PRAMEF12: variants seen among roughly 807,000 people sequenced by gnomAD.
PRAMEF12 encodes the protein PRAME family member 12.
PRAMEF12 carries 24 observed loss-of-function variants against 24.6 expected under a neutral mutation model. The ratio of observed to expected loss-of-function variants is 0.98; its 90% CI spans 0.71 to 1.37. The LOEUF (loss-of-function observed/expected upper bound fraction) is 1.37, where lower values mean the gene tolerates loss of function less well. PRAMEF12 is among the 40% of genes most tolerant of loss of function. The probability of loss-of-function intolerance (pLI) is 0.00; values close to 1 mark genes in which losing one functional copy is unlikely to be tolerated. For synonymous variants in PRAMEF12, 286 were observed against 242.6 expected, an observed-to-expected ratio of 1.18 and a Z score of -1.66; for missense variants, 646 against 580.3, an observed-to-expected ratio of 1.11 and a Z score of -1.16.
At position 12,775,684 on chromosome 1, in the gene PRAMEF12, G is replaced by A. The variant is rs765500588; in HGVS notation, c.429G>A (p.Gln143=). 8 of 1,613,888 alleles carry A rather than the reference G, an allele frequency of 5.0e-6. No individual in the cohort carries two copies. In the African/African-American group the frequency reaches 1.1e-4, roughly 22 times the overall value. The change falls in exon 2 of 3, where the codon CAG becomes CAA. Residue 143 remains glutamine, a synonymous_variant. Transcript: ENST00000357726. ...AGNCPRPGGQ[Q]PLMVILDLCF... ...ACTGTCCAAGGCCGGGTGGGCAGCAGCCCTTGATGGTGATCCTAGACCTTT... is the reference window on the plus strand; with the variant it reads ...ACTGTCCAAGGCCGGGTGGGCAGCAACCCTTGATGGTGATCCTAGACCTTT...
intron 1 of PRAMEF12, 25 bp from the exon 2 acceptor site, chr1:12,775,518 A>G: frequency 1.3e-6 from 2 of 1,573,644 alleles, no homozygotes; most frequent in East Asian, 2.3e-5. Context: ...CTAAATTTGG[A>G]GCCTCTCTTC....
At position 12,775,798 on chromosome 1, in the gene PRAMEF12, G is replaced by A. The variant is rs921598101; in HGVS notation, c.543G>A (p.Lys181=). The change falls in exon 2 of 3, where the codon AAG becomes AAA. Residue 181 remains lysine (K), a synonymous_variant. Coordinates refer to ENST00000357726, the MANE Select transcript of PRAMEF12 (RefSeq NM_001080830.5). ...AAGGCTTACTGCACGTGTGTTGCAA[G>A]GAGCTGCAGATTTTTGGAATAGCCA... ...QRKGLLHVCC[K]ELQIFGIAIH... is the part of the protein sequence containing the mutation. 2 of 1,613,810 alleles carry A rather than the reference G, an allele frequency of 1.2e-6. No individual in the cohort carries two copies. Among genetic ancestry groups the A allele is most frequent in the African/African-American group, 1.3e-5 (1 of 74,826 alleles).
chr1:12,776,897 C>T (rs1302282675), intron 2 of PRAMEF12, 114 bp from the exon 3 acceptor site: 1 of 1,103,318 alleles, frequency 9.1e-7, no homozygotes, highest in African/African-American at 1.6e-5. Flanking sequence ...TCCCACACCC[C>T]AGGTGCTGAT....
At position 12,774,660 on chromosome 1, in the gene PRAMEF12, ACCTTGC is replaced by A. The variant is rs1282161236; in HGVS notation, c.-204_-199del. ...GTTGAAAATGAATGGGCCAGTGGTT[ACCTTGC>A]CCTCTCCTCATTGTTTGGAAGACAT... On this transcript the variant is annotated 5_prime_UTR_variant, in exon 1 of 3. Transcript: ENST00000357726. Among the ~76,000 whole-genome samples the A allele has an allele frequency of 2.6e-5, 4 of 152,178 alleles. No homozygotes were observed. Among genetic ancestry groups the A allele is most frequent in the African/African-American group, 9.7e-5 (4 of 41,420 alleles).
Position 12,777,036 on chromosome 1 carries a change from G to A in PRAMEF12, c.889G>A (p.Val297Ile). Residue 297 changes from valine (V) to isoleucine (I), a missense_variant, in exon 3 of 3, where the codon GTC (valine) becomes ATC (isoleucine). Transcript: ENST00000357726. ...GTGTCTCCAGGCCCCCTTGGAGACA[G>A]TCGTAATGACCGAATGCCTGCTGTC... Reference protein sequence around the residue: ...LRCLQAPLETVVMTECLLSES... With the variant: ...LRCLQAPLETIVMTECLLSES... 6.2e-7 allele frequency: 1 copy of A among 1,613,402 alleles called. No homozygotes were observed. Among genetic ancestry groups the A allele is most frequent in the Non-Finnish European group, 8.5e-7 (1 of 1,179,638 alleles).
rs149061753 is a variant in PRAMEF12 at position 12,775,656 on chromosome 1, G to C, written c.401G>C (p.Gly134Ala). Residue 134 changes from glycine (G) to alanine (A), a missense_variant, in exon 2 of 3, where the codon GGG becomes GCG. Gly to Ala is a moderately conservative substitution (Grantham distance 60, BLOSUM62 0). Transcript: ENST00000357726. Reference sequence around the variant, plus strand: ...GCCCTGAGTAAGAGACGAACAGCAGGGAACTGTCCAAGGCCGGGTGGGCAG... The same window carrying C: ...GCCCTGAGTAAGAGACGAACAGCAGCGAACTGTCCAAGGCCGGGTGGGCAG... ...PEALSKRRTAGNCPRPGGQQP... is the reference protein window; with the variant it reads ...PEALSKRRTAANCPRPGGQQP... 25 of 1,613,968 alleles carry C rather than the reference G, an allele frequency of 1.5e-5. No homozygotes were observed. Among genetic ancestry groups the C allele is most frequent in the Middle Eastern group, 3.3e-4 (2 of 6,062 alleles).
rs1220797740 is a variant in PRAMEF12 at position 12,775,174 on chromosome 1, C to T, written c.287+20C>T. The stretch of plus-strand genomic sequence containing the variant: ...CCCCAGGTGAGGTGACCCAGCTAAC[C>T]AGGTGGGGAGGGCTCAGGCATCCAG... On this transcript the variant is annotated intron_variant, in intron 1 of 2. Transcript: ENST00000357726. 7.5e-6 allele frequency: 12 copies of T among 1,595,740 alleles called. No homozygotes were observed. The highest frequency in any genetic ancestry group is 9.4e-6 in the Non-Finnish European group (11 of 1,170,806).
rs763318115 is a variant in PRAMEF12, at chr1:12,775,204, G to A, written c.287+50G>A. On this transcript the variant is annotated intron_variant, in intron 1 of 2. Transcript: ENST00000357726. ...GGGGAGGGCTCAGGCATCCAGGGTA[G>A]GGTTAGCTGGGTCAGAAGGAGTGGG... 3.9e-6 allele frequency: 6 copies of A among 1,551,616 alleles called. No individual in the cohort carries two copies. In the South Asian group the frequency reaches 6.2e-5, roughly 16 times the overall value.
Position 12,774,910 on chromosome 1 carries a change from CAG to C in PRAMEF12, c.46_47del (p.Leu17AlafsTer57), listed in dbSNP as rs897082278. 10 of 1,613,472 alleles carry C rather than the reference CAG, an allele frequency of 6.2e-6. No homozygotes were observed. Among genetic ancestry groups the C allele is most frequent in the Admixed American group, 1.7e-5 (1 of 59,972 alleles). ...ACCTAGACTCCTGGAGCTGGCTGAG[CAG>C]AGTCTGCTGAGAGACCGGGCCTTGG... ...APPRLLELAE[Q>X]SLLRDRALAI... On this transcript the variant is annotated frameshift_variant, in exon 1 of 3. Coordinates refer to ENST00000357726, the MANE Select transcript of PRAMEF12 (RefSeq NM_001080830.5). LOFTEE classifies it high-confidence loss of function.
At chr1:12,776,896 C>A in intron 2 of PRAMEF12, 115 bp from the exon 3 acceptor site, 1 of 1,102,928 alleles carries the variant, frequency 9.1e-7, no homozygotes, top group Non-Finnish European at 1.3e-6. Flanking sequence ...TTCCCACACC[C>A]CAGGTGCTGA....
rs2100275011 is a variant in PRAMEF12 at position 12,776,654 on chromosome 1, G to A, written c.864-357G>A. Among the ~76,000 whole-genome samples the A allele has an allele frequency of 2.0e-5, 3 of 152,238 alleles. No homozygotes were observed. The South Asian group carries it at 6.2e-4, about 32-fold the overall frequency. On this transcript the variant is annotated intron_variant, in intron 2 of 2. Transcript: ENST00000357726. Reference sequence around the variant, plus strand: ...TGATAGATGGTTTGCTGATGATACGGGCATGTCAGGGTCTCCTGCAGCCTG... The same window carrying A: ...TGATAGATGGTTTGCTGATGATACGAGCATGTCAGGGTCTCCTGCAGCCTG...
In PRAMEF12 at chr1:12,774,888, T is replaced by G. The variant is rs1639024145; in HGVS notation, c.21T>G (p.Pro7=). Reference sequence around the variant, plus strand: ...TCAGGATGAGCCTCCAGGCCCCACCTAGACTCCTGGAGCTGGCTGAGCAGA... The same window carrying G: ...TCAGGATGAGCCTCCAGGCCCCACCGAGACTCCTGGAGCTGGCTGAGCAGA... MSLQAP[P]RLLELAEQSL... The change falls in exon 1 of 3, where the codon CCT becomes CCG. Residue 7 remains proline (P), a synonymous_variant. Coordinates refer to ENST00000357726, the MANE Select transcript of PRAMEF12 (RefSeq NM_001080830.5). The G allele has an allele frequency of 6.2e-7, 1 of 1,609,494 alleles. No homozygotes were observed. Among genetic ancestry groups the G allele is most frequent in the Admixed American group, 1.7e-5 (1 of 59,494 alleles).
At position 12,776,130 on chromosome 1, in the gene PRAMEF12, T is replaced by C. The variant is rs369412846; in HGVS notation, c.863+12T>C. 9.3e-6 allele frequency: 15 copies of C among 1,610,656 alleles called. No homozygotes were observed. The highest frequency in any genetic ancestry group is 1.3e-5 in the African/African-American group (1 of 74,836). The stretch of plus-strand genomic sequence containing the variant: ...GACCAGCTGCTCAGGTGAGGAAGTA[T>C]GGTGAGCTTTCTCTGCAGACCGCAG... On this transcript the variant is annotated intron_variant, in intron 2 of 2. Coordinates refer to ENST00000357726, the MANE Select transcript of PRAMEF12 (RefSeq NM_001080830.5).
rs75099356 is a variant in PRAMEF12 at position 12,775,014 on chromosome 1, C to G, written c.147C>G (p.Cys49Trp). 6.2e-7 allele frequency: 1 copy of G among 1,614,104 alleles called. No homozygotes were observed. The change falls in exon 1 of 3, where the codon TGC becomes TGG. Residue 49 changes from cysteine (C) to tryptophan (W), a missense_variant. Cys to Trp is a radical substitution (Grantham distance 215, BLOSUM62 -2). Coordinates refer to ENST00000357726, the MANE Select transcript of PRAMEF12 (RefSeq NM_001080830.5). ...LFMEAFTRRC[C>W]ETLTTMVQAW... The stretch of plus-strand genomic sequence containing the variant: ...TGGAGGCCTTTACCAGGAGATGCTG[C>G]GAGACCCTGACAACTATGGTGCAGG...
Position 12,773,741 on chromosome 1 carries a change from C to CCAAGG in PRAMEF12, c.-1125_-1121dup, listed in dbSNP as rs1378162166. On this transcript the variant is annotated 5_prime_UTR_variant, in exon 1 of 3. Coordinates refer to ENST00000357726, the MANE Select transcript of PRAMEF12 (RefSeq NM_001080830.5). ...CTCCCGAAGGTGCACAGGAGAGAAT[C>CCAAGG]CAAGGCGCTGACACCTGGAGCTACT... 1.3e-5 allele frequency among the ~76,000 whole-genome samples: 2 copies of CCAAGG among 152,266 alleles called. No homozygotes were observed. The highest frequency in any genetic ancestry group is 3.9e-4 in the East Asian group (2 of 5,178).
Position 12,776,073 on chromosome 1 carries a change from T to G in PRAMEF12, c.818T>G (p.Met273Arg), listed in dbSNP as rs1352311160. 1 of 1,614,184 alleles carries G rather than the reference T, an allele frequency of 6.2e-7. No individual in the cohort carries two copies. Among genetic ancestry groups the G allele is most frequent in the Non-Finnish European group, 8.5e-7 (1 of 1,180,026 alleles). The change falls in exon 2 of 3, where the codon ATG becomes AGG. Residue 273 changes from methionine (M) to arginine (R), a missense_variant. Coordinates refer to ENST00000357726, the MANE Select transcript of PRAMEF12 (RefSeq NM_001080830.5). ...CTGGACTACTTCCAGAAGCTTTACATGCACTCTGTCTCTTTCCTCGAAGGC... is the reference window on the plus strand; with the variant it reads ...CTGGACTACTTCCAGAAGCTTTACAGGCACTCTGTCTCTTTCCTCGAAGGC... Reference protein sequence around the residue: ...LKLDYFQKLYMHSVSFLEGHL... With the variant: ...LKLDYFQKLYRHSVSFLEGHL...
rs1569698021 is a variant in PRAMEF12, at chr1:12,774,778, C to A, written c.-90C>A. 1.5e-6 allele frequency: 2 copies of A among 1,325,332 alleles called. No homozygotes were observed. Among genetic ancestry groups the A allele is most frequent in the South Asian group, 1.4e-5 (1 of 70,584 alleles). 82.1% of individuals were successfully genotyped at this position (1,325,332 alleles called of 1,614,324 possible). ...TGGGGTGAACTAATTACCTTTCCACCTCTACCAGAGCAATGACATTGGCAC... is the reference window on the plus strand; with the variant it reads ...TGGGGTGAACTAATTACCTTTCCACATCTACCAGAGCAATGACATTGGCAC... On this transcript the variant is annotated 5_prime_UTR_variant, in exon 1 of 3. Coordinates refer to ENST00000357726, the MANE Select transcript of PRAMEF12 (RefSeq NM_001080830.5).
In PRAMEF12 at chr1:12,777,096, A is replaced by G. The variant is rs111425241; in HGVS notation, c.949A>G (p.Ser317Gly). The stretch of plus-strand genomic sequence containing the variant: ...CCTGAAGCATCTCTCTTGGTGCCCG[A>G]GCATCCGTCAGCTAAAAGAGCTAGA... ...SDLKHLSWCPSIRQLKELDLR... is the reference protein window; with the variant it reads ...SDLKHLSWCPGIRQLKELDLR... Residue 317 changes from serine (S) to glycine (G), a missense_variant, in exon 3 of 3, where the codon AGC (serine) becomes GGC (glycine). Coordinates refer to ENST00000357726, the MANE Select transcript of PRAMEF12 (RefSeq NM_001080830.5). 6.0e-4 allele frequency: 972 copies of G among 1,613,636 alleles called. 7 individuals carry two copies. The highest frequency in any genetic ancestry group is 3.8e-4 in the Admixed American group (23 of 59,972).
rs1639078131 is a variant in PRAMEF12 at position 12,777,686 on chromosome 1, T to C, written c.*87T>C. 4 of 1,471,990 alleles carry C rather than the reference T, an allele frequency of 2.7e-6. No individual in the cohort carries two copies. In the South Asian group the frequency reaches 5.0e-5, roughly 19 times the overall value. The allele number at this position is 1,471,990 out of a possible 1,614,324, so 91.2% of individuals were successfully genotyped here. Reference sequence around the variant, plus strand: ...CAGACCCATCGTTTCATATGCCTGCTCAATGTGAACCGGAAAGGAAAGGGG... The same window carrying C: ...CAGACCCATCGTTTCATATGCCTGCCCAATGTGAACCGGAAAGGAAAGGGG... On this transcript the variant is annotated 3_prime_UTR_variant, in exon 3 of 3. Coordinates refer to ENST00000357726, the MANE Select transcript of PRAMEF12 (RefSeq NM_001080830.5).
Sources: allele counts gnomAD v4.1 joint callset (sites outside exome capture counted in the v4.1 genomes callset), GRCh38; gene constraint gnomAD v4.1.1; transcripts MANE v1.5; gene names NCBI Gene and HGNC (gene_info 2026-07-23, HGNC 2026-07-21).